The following DLGAP2 variants were observed in gnomAD, a reference collection of about 807,000 sequenced individuals.
The protein encoded by DLGAP2 is DLG associated protein 2.
DLGAP2 carries 26 observed loss-of-function variants against 100.3 expected under a neutral mutation model. The observed-to-expected ratio is 0.26, with a 90% CI of 0.19 to 0.36. DLGAP2 has a LOEUF of 0.36. Ranked by LOEUF, DLGAP2 falls within the 10% of genes least tolerant of loss-of-function variation. The pLI is 1.00. For synonymous variants in DLGAP2, 886 were observed against 630.1 expected (o/e 1.41, Z -6.08); for missense variants, 1,858 against 1,453.2 (o/e 1.28, Z -4.53).
intron 5 of DLGAP2, among the ~76,000 whole-genome samples, chr8:1,555,944 A>G (rs1296499269): frequency 6.6e-6 from 1 of 152,070 alleles, no homozygotes; most frequent in Non-Finnish European, 1.5e-5. Context: ...TCCGAAAAGC[A>G]CATTGGAAAT....
At chr8:854,608 T>C (rs764560744) in intron 1 of DLGAP2, among the ~76,000 whole-genome samples, 2 of 152,044 alleles carry the variant, frequency 1.3e-5, no homozygotes, top group Middle Eastern at 3.4e-3. Context: ...CATGCATGTG[T>C]GTGCATGTTC....
At chr8:739,259 G>T (rs1585809679) in intron 1 of DLGAP2, 5 of 152,302 alleles carry the variant, frequency 3.3e-5, no homozygotes, top group African/African-American at 1.2e-4. Flanking sequence ...GGTACCCCCC[G>T]GAGAGGTCGG....
chr8:787,412 A>C (rs1203687153), intron 1 of DLGAP2, among the ~76,000 whole-genome samples: 1 of 152,168 alleles, frequency 6.6e-6, no homozygotes, highest in Non-Finnish European at 1.5e-5. Context: ...GCCTCTAAAA[A>C]ATATCTTCTA....
intron 3 of DLGAP2, among the ~76,000 whole-genome samples, chr8:1,465,228 A>C (rs1224256302): frequency 6.6e-6 from 1 of 152,216 alleles, no homozygotes; most frequent in Non-Finnish European, 1.5e-5. Flanking sequence ...CAAGCCCCCC[A>C]CACGTGGGTT....
chr8:1,204,251 G>A lies in DLGAP2; in HGVS notation c.74-54600G>A, dbSNP rs115151247. 4.0e-3 allele frequency among the ~76,000 whole-genome samples: 605 copies of A among 152,318 alleles called. 3 individuals are homozygous for A. Among genetic ancestry groups the A allele is most frequent in the African/African-American group, 0.014 (585 of 41,564 alleles). On this transcript the variant is annotated intron_variant, in intron 2 of 14. Transcript: ENST00000637795. ...TGTGCCCTGCGCTGTGTTAGATTCC[G>A]CGAGAGATTGAAACTAAACAGGATG... is the stretch of plus-strand genomic sequence containing the variant.
chr8:1,452,067 A>G (rs926959646), intron 3 of DLGAP2, among the ~76,000 whole-genome samples: 2 of 152,264 alleles, frequency 1.3e-5, no homozygotes, highest in African/African-American at 2.4e-5. Context: ...GATCTGAGCC[A>G]TCTGTGAATT....
At chr8:1,085,461 A>C (rs1803943164) in intron 2 of DLGAP2, among the ~76,000 whole-genome samples, 1 of 152,070 alleles carries the variant, frequency 6.6e-6, no homozygotes, top group East Asian at 1.9e-4. Flanking sequence ...TTTCCCCCTA[A>C]GTTTTCCTCT....
chr8:1,242,712 A>T lies in DLGAP2; in HGVS notation c.74-16139A>T, dbSNP rs557409600. On this transcript the variant is annotated intron_variant, in intron 2 of 14. Coordinates refer to ENST00000637795, the MANE Select transcript of DLGAP2 (RefSeq NM_001346810.2). ...TAAGGGACCCACAGTGAGTGAGTGC[A>T]TAGGTGGGTGGATGGATGTATGTAT... 3.3e-5 allele frequency among the ~76,000 whole-genome samples: 5 copies of T among 152,180 alleles called. No individual in the cohort carries two copies. The South Asian group carries it at 1.0e-3, about 32-fold the overall frequency.
At chr8:1,580,478 T>C (rs1803188378) in intron 6 of DLGAP2, among the ~76,000 whole-genome samples, 1 of 152,178 alleles carries the variant, frequency 6.6e-6, no homozygotes, top group African/African-American at 2.4e-5. Context: ...ATCCGAGAGC[T>C]GCAGAGAGCT....
At chr8:1,506,083 A>C (rs1799902666) in intron 4 of DLGAP2, among the ~76,000 whole-genome samples, 1 of 152,238 alleles carries the variant, frequency 6.6e-6, no homozygotes, top group Non-Finnish European at 1.5e-5. Context: ...GCAGGCACAT[A>C]GATTGTGAAC....
chr8:1,336,302 G>C (rs935958633), intron 3 of DLGAP2, among the ~76,000 whole-genome samples: 2 of 152,212 alleles, frequency 1.3e-5, no homozygotes, highest in African/African-American at 4.8e-5. Flanking sequence ...AAGCACCTTC[G>C]TTCTGGGAAG....
At chr8:767,802 G>A (rs1460914388) in intron 1 of DLGAP2, among the ~76,000 whole-genome samples, 1 of 152,168 alleles carries the variant, frequency 6.6e-6, no homozygotes, top group Non-Finnish European at 1.5e-5. Flanking sequence ...CTCTTGGTAA[G>A]TGGTTTAGAA....
chr8:1,344,132 G>T (rs1190899592), intron 3 of DLGAP2, among the ~76,000 whole-genome samples: 1 of 150,072 alleles, frequency 6.7e-6, no homozygotes, highest in African/African-American at 2.5e-5. Flanking sequence ...CCTGTCGTGG[G>T]TCCGTGTACT....
Position 1,430,027 on chromosome 8 carries a change from T to TATATATATATATATATATATATAC in DLGAP2, c.107-71338_107-71337insTATATATATATATATATATATACA, listed in dbSNP as rs1282725274. On this transcript the variant is annotated intron_variant, in intron 3 of 14. Coordinates refer to ENST00000637795, the MANE Select transcript of DLGAP2 (RefSeq NM_001346810.2). ...ATATACATATATATATATATATATA[T>TATATATATATATATATATATATAC]ACACACACACACATATGAACTTAGA... Among the ~76,000 whole-genome samples, 94 of 76,830 alleles carry TATATATATATATATATATATATAC rather than the reference T, an allele frequency of 1.2e-3. 2 individuals are homozygous for TATATATATATATATATATATATAC. Among genetic ancestry groups the TATATATATATATATATATATATAC allele is most frequent in the Non-Finnish European group, 1.9e-3 (77 of 40,100 alleles). 50.4% of individuals were successfully genotyped at this position (76,830 alleles called of 152,430 possible).
At chr8:1,102,424 C>T (rs983403438) in intron 2 of DLGAP2, among the ~76,000 whole-genome samples, 2 of 150,724 alleles carry the variant, frequency 1.3e-5, no homozygotes, top group African/African-American at 4.9e-5. Context: ...TCGAGTCACT[C>T]AGTGATTGGC....
intron 1 of DLGAP2, among the ~76,000 whole-genome samples, chr8:890,931 C>T (rs577721822): frequency 6.6e-6 from 1 of 152,298 alleles, no homozygotes; most frequent in East Asian, 1.9e-4. Context: ...CCCGCCCACC[C>T]GGCTGTGCCC....
chr8:1,257,054 C>G (rs1001003418), intron 2 of DLGAP2, among the ~76,000 whole-genome samples: 3 of 152,172 alleles, frequency 2.0e-5, no homozygotes, highest in Non-Finnish European at 4.4e-5. Flanking sequence ...CTCCCGTCCC[C>G]TCCACCGGCG....
At chr8:1,008,964 T>G (rs1801200339) in intron 2 of DLGAP2, among the ~76,000 whole-genome samples, 1 of 152,276 alleles carries the variant, frequency 6.6e-6, no homozygotes, top group Admixed American at 6.5e-5. Flanking sequence ...CTCCTGGGTA[T>G]GCAGAATCGC....
intron 1 of DLGAP2, among the ~76,000 whole-genome samples, chr8:785,205 G>C (rs1821806670): frequency 8.7e-6 from 1 of 115,118 alleles, no homozygotes; most frequent in Admixed American, 1.0e-4. Context: ...CTGGGCGACA[G>C]AGCGAGACTC....
Sources: allele counts gnomAD v4.1 joint callset (sites outside exome capture counted in the v4.1 genomes callset), GRCh38; gene constraint gnomAD v4.1.1; transcripts MANE v1.5; gene names NCBI Gene and HGNC (gene_info 2026-07-23, HGNC 2026-07-21).